The following NDOR1 variants were observed in gnomAD, a reference collection of about 807,000 sequenced individuals.
NDOR1 encodes NADPH-dependent diflavin oxidoreductase 1.
In NDOR1, 61 loss-of-function variants were observed where a neutral mutation model predicts 67.2. That is an observed-to-expected ratio of 0.91 (90% confidence interval 0.74 to 1.12). The LOEUF is 1.12. Ranked by LOEUF, NDOR1 falls within the 50% of genes most tolerant of loss-of-function variation. The probability of loss-of-function intolerance (pLI) is 0.00; values close to 1 mark genes in which losing one functional copy is unlikely to be tolerated. For synonymous variants in NDOR1, 378 were observed against 343.7 expected (o/e 1.10, Z -1.10); for missense variants, 878 against 802.8 (o/e 1.09, Z -1.13).
chr9:137,216,634 C>A lies in NDOR1; in HGVS notation c.*218C>A. 1 of 610,200 alleles carries A rather than the reference C, an allele frequency of 1.6e-6. No homozygotes were observed. Among genetic ancestry groups the A allele is most frequent in the Non-Finnish European group, 2.8e-6 (1 of 351,270 alleles). 37.8% of individuals were successfully genotyped at this position (610,200 alleles called of 1,614,324 possible). A position where few individuals can be genotyped will look rare whatever the true frequency, so the allele number is the denominator to read the frequency against. ...CAGCCTCTGCCCAGCCAGCCCTGCG[C>A]TCCCCCACCCTGACAGTGAGCTGTG... On this transcript the variant is annotated 3_prime_UTR_variant, in exon 14 of 14. Transcript: ENST00000684003.
rs1411909016 is a variant in NDOR1 at position 137,217,370 on chromosome 9, C to T, written c.*954C>T. On this transcript the variant is annotated 3_prime_UTR_variant, in exon 14 of 14. Transcript: ENST00000684003. ...AGGCGGAACCAAGCCGTCCGTGCCG[C>T]TAGGGAGCCGAGACTGCCGGAAAGA... The T allele has an allele frequency of 6.6e-6, 1 of 152,456 alleles. No individual in the cohort carries two copies. The highest frequency in any genetic ancestry group is 1.9e-4 in the East Asian group (1 of 5,196). The allele number at this position is 152,456 out of a possible 1,614,324, so 9.4% of individuals were successfully genotyped here.
chr9:137,206,074 C>T (rs1439345319), intron 1 of NDOR1, among the ~76,000 whole-genome samples, 158 bp from the exon 2 acceptor site: 1 of 152,220 alleles, frequency 6.6e-6, no homozygotes, highest in Non-Finnish European at 1.5e-5. Context: ...CAGTTTAGCA[C>T]CTGGAGGAGG....
chr9:137,215,251 G>T, intron 9 of NDOR1, 49 bp downstream of exon 9: 1 of 1,580,256 alleles, frequency 6.3e-7, no homozygotes, highest in South Asian at 1.1e-5. Flanking sequence ...GGAAAGCTGG[G>T]ACCGGGGCTG....
chr9:137,206,050 TGGGAA>T, intron 1 of NDOR1, 138 bp downstream of exon 1: 1 of 1,479,870 alleles, frequency 6.8e-7, no homozygotes, highest in South Asian at 1.3e-5. Context: ...GAAGGAGGTT[TGGGAA>T]GGGGAGTTCA....
chr9:137,215,382 A>ACCCCCCC, intron 9 of NDOR1, 25 bp from the exon 10 acceptor site: 1 of 1,058,056 alleles, frequency 9.5e-7, no homozygotes, highest in Non-Finnish European at 1.4e-6. Flanking sequence ...TTGTTCCACC[A>ACCCCCCC]CCCCCACCCC....
At chr9:137,210,708 G>C (rs564941777) in intron 2 of NDOR1, among the ~76,000 whole-genome samples, 1 of 151,932 alleles carries the variant, frequency 6.6e-6, no homozygotes. Flanking sequence ...TTAGCTGGGC[G>C]TGGTGACACA....
At position 137,214,380 on chromosome 9, in the gene NDOR1, T is replaced by C; in HGVS notation, c.689T>C (p.Leu230Pro). 9 of 1,614,140 alleles carry C rather than the reference T, an allele frequency of 5.6e-6. No homozygotes were observed. The highest frequency in any genetic ancestry group is 7.6e-6 in the Non-Finnish European group (9 of 1,180,014). Residue 230 changes from leucine (L) to proline (P), a missense_variant, in exon 6 of 14, where the codon CTG becomes CCG. Transcript: ENST00000684003. ...TGPSHFQDVR[L>P]IEFDILGSGI... ...CCCTCCCACTTCCAGGACGTTCGGC[T>C]GATTGAGTTTGACATCTTGGGCTCT... is the stretch of plus-strand genomic sequence containing the variant.
At chr9:137,213,100 C>G (rs563840464) in intron 3 of NDOR1, among the ~76,000 whole-genome samples, 1 of 152,298 alleles carries the variant, frequency 6.6e-6, no homozygotes, top group East Asian at 1.9e-4. Flanking sequence ...GAGCACCGAG[C>G]ATCAAAAGCC....
rs1835510135 is a variant in NDOR1, at chr9:137,215,401, C to T, written c.1174-6C>T. ...TCCACCACCCCCACCCCGCCGTCCT[C>T]CCCAGACTCACCCCTCACGGCTGCA... On this transcript the variant is annotated splice_polypyrimidine_tract_variant and splice_region_variant and intron_variant, in intron 9 of 13. Coordinates refer to ENST00000684003, the MANE Select transcript of NDOR1 (RefSeq NM_014434.4). The T allele has an allele frequency of 6.2e-7, 1 of 1,603,586 alleles. No homozygotes were observed. The highest frequency in any genetic ancestry group is 1.7e-5 in the Admixed American group (1 of 59,984).
chr9:137,213,796 A>G lies in NDOR1; in HGVS notation c.328A>G (p.Lys110Glu), dbSNP rs1835379462. The G allele has an allele frequency of 1.2e-6, 2 of 1,612,462 alleles. No individual in the cohort carries two copies. The highest frequency in any genetic ancestry group is 1.3e-5 in the African/African-American group (1 of 74,862). Residue 110 changes from lysine to glutamate, a missense_variant, in exon 4 of 14, where the codon AAG becomes GAG. Physicochemically the swap from Lys to Glu is moderately conservative, Grantham distance 56. Coordinates refer to ENST00000684003, the MANE Select transcript of NDOR1 (RefSeq NM_014434.4). ...TCTCCACAGGTTCAACTTCGTGGCC[A>G]AGAAGCTGCACCGACGGCTACTGCA... Reference protein sequence around the residue: ...SSYAKFNFVAKKLHRRLLQLG... With the variant: ...SSYAKFNFVAEKLHRRLLQLG...
In NDOR1 at chr9:137,217,865, C is replaced by A; in HGVS notation, c.*1449C>A. On this transcript the variant is annotated 3_prime_UTR_variant, in exon 14 of 14. Transcript: ENST00000684003. ...CGACTCCAGCTCTGGGCCTGTCAGT[C>A]CACCTGGGTCCTCTCTGGGCCCTGA... The A allele has an allele frequency of 2.5e-6, 1 of 398,178 alleles. No homozygotes were observed. Among genetic ancestry groups the A allele is most frequent in the South Asian group, 1.4e-4 (1 of 7,158 alleles). The allele number at this position is 398,178 out of a possible 1,614,324, so 24.7% of individuals were successfully genotyped here.
At chr9:137,209,161 G>A (rs1475586625) in intron 2 of NDOR1, among the ~76,000 whole-genome samples, 1 of 152,164 alleles carries the variant, frequency 6.6e-6, no homozygotes, top group African/African-American at 2.4e-5. Flanking sequence ...GATTACAGGC[G>A]TGAGCCACCA....
Position 137,215,207 on chromosome 9 carries a change from G to C in NDOR1, c.1173+5G>C. The C allele has an allele frequency of 6.2e-7, 1 of 1,608,964 alleles. No homozygotes were observed. The highest frequency in any genetic ancestry group is 8.5e-7 in the Non-Finnish European group (1 of 1,178,434). On this transcript the variant is annotated splice_donor_5th_base_variant and intron_variant, in intron 9 of 13. Transcript: ENST00000684003. ...TCCATCGCCTCCTCGCTGCTGGTGA[G>C]GGGCCTGGTGGTTGGAGCCCAGGAC...
intron 2 of NDOR1, among the ~76,000 whole-genome samples, chr9:137,210,135 G>A (rs142450373): frequency 2.6e-5 from 4 of 152,326 alleles, no homozygotes; most frequent in Non-Finnish European, 4.4e-5. Flanking sequence ...AGGCAGAGAC[G>A]GGCACAGGCT....
rs777811268 is a variant in NDOR1 at position 137,217,099 on chromosome 9, C to T, written c.*683C>T. 2.7e-5 allele frequency: 5 copies of T among 185,034 alleles called. No individual in the cohort carries two copies. Among genetic ancestry groups the T allele is most frequent in the African/African-American group, 5.0e-5 (2 of 39,730 alleles). 11.5% of individuals were successfully genotyped at this position (185,034 alleles called of 1,614,324 possible). On this transcript the variant is annotated 3_prime_UTR_variant, in exon 14 of 14. Transcript: ENST00000684003. The stretch of plus-strand genomic sequence containing the variant: ...TGGATGGGCGTCCTCTAGCTCCTCC[C>T]GGTGCCCTGGGTGCTGGGTGCTGGA...
chr9:137,213,304 C>T (rs1293794635), intron 3 of NDOR1, among the ~76,000 whole-genome samples: 2 of 152,212 alleles, frequency 1.3e-5, no homozygotes, highest in Admixed American at 1.3e-4. Context: ...CTGCCGACAG[C>T]GTTCCCAGGG....
chr9:137,216,527 G>A lies in NDOR1; in HGVS notation c.*111G>A. On this transcript the variant is annotated 3_prime_UTR_variant, in exon 14 of 14. Transcript: ENST00000684003. ...CGTCATCCTCTCGGACCAGCCAGCTGGTCCTCTGGGAACAGCCAGCTCCCG... is the reference window on the plus strand; with the variant it reads ...CGTCATCCTCTCGGACCAGCCAGCTAGTCCTCTGGGAACAGCCAGCTCCCG... 7.2e-7 allele frequency: 1 copy of A among 1,393,518 alleles called. No homozygotes were observed. The highest frequency in any genetic ancestry group is 9.6e-7 in the Non-Finnish European group (1 of 1,047,082). 86.3% of individuals were successfully genotyped at this position (1,393,518 alleles called of 1,614,324 possible).
At chr9:137,214,105 G>A (rs1380081556) in intron 5 of NDOR1, 37 bp downstream of exon 5, 14 of 1,530,444 alleles carry the variant, frequency 9.1e-6, no homozygotes, top group Admixed American at 2.0e-5. Flanking sequence ...AGGCGCAGCA[G>A]ACCCAACCTG....
rs75647712 is a variant in NDOR1, at chr9:137,216,285, A to G, written c.1663A>G (p.Met555Val). The change falls in exon 14 of 14, where the codon ATG (methionine) becomes GTG (valine). Residue 555 changes from methionine (M) to valine (V), a missense_variant. Met to Val is a conservative substitution (Grantham distance 21). Transcript: ENST00000684003. ...CTGCCCCTCTAGCAACGCCAAGTCCATGCCAGCGGACGTCTCGGAAGCCCT... is the reference window on the plus strand; with the variant it reads ...CTGCCCCTCTAGCAACGCCAAGTCCGTGCCAGCGGACGTCTCGGAAGCCCT... ...YFYLAGNAKS[M>V]PADVSEALMS... The G allele has an allele frequency of 2.1e-3, 3,350 of 1,612,968 alleles. 37 individuals carry two copies. The African/African-American group carries it at 0.027, about 13-fold the overall frequency.
Sources: gnomAD v4.1 joint callset for allele counts (sites outside exome capture counted in the v4.1 genomes callset) on GRCh38, gnomAD v4.1.1 for gene constraint, MANE v1.5 for transcripts, NCBI Gene and HGNC (gene_info 2026-07-23, HGNC 2026-07-21) for gene names.